The following TBC1D26 variants were observed in gnomAD, a reference collection of about 807,000 sequenced individuals.
TBC1D26 encodes TBC1 domain family, member 26.
TBC1D26 carries 19 observed loss-of-function variants against 42.5 expected under a neutral mutation model. The observed-to-expected ratio is 0.45, with a 90% CI of 0.31 to 0.66. The LOEUF (loss-of-function observed/expected upper bound fraction) is 0.66. TBC1D26 is among the 30% of genes least tolerant of loss of function. The pLI is 0.06. For missense variants in TBC1D26, 228 were observed against 332.6 expected (o/e 0.69, Z 2.45); for synonymous variants, 97 against 123.5 (o/e 0.79, Z 1.42).
intron 11 of TBC1D26, 45 bp downstream of exon 11, chr17:15,742,081 C>T (rs1290573799): frequency 7.1e-6 from 11 of 1,552,860 alleles, no homozygotes; most frequent in South Asian, 1.1e-5. Flanking sequence ...GCCCTGGCCC[C>T]CATAGGCCAG....
chr17:15,742,093 G>A, intron 11 of TBC1D26, 57 bp downstream of exon 11: 1 of 1,479,926 alleles, frequency 6.8e-7, no homozygotes, highest in Non-Finnish European at 9.3e-7. Flanking sequence ...ATAGGCCAGG[G>A]GAGGCTCAAG....
At chr17:15,733,708 C>T (rs1330157878) in intron 1 of TBC1D26, 1 of 152,284 alleles carries the variant, frequency 6.6e-6, no homozygotes, top group Admixed American at 6.5e-5. Context: ...CATTTTGACA[C>T]CTTAGGGGCT....
intron 1 of TBC1D26, among the ~76,000 whole-genome samples, chr17:15,733,362 G>A (rs1003642150): frequency 6.6e-6 from 1 of 152,130 alleles, no homozygotes; most frequent in Non-Finnish European, 1.5e-5. Flanking sequence ...ACTGGGAGGA[G>A]GAGGTGAAAA....
chr17:15,733,964 G>A (rs2529990), intron 1 of TBC1D26: 1 of 152,228 alleles, frequency 6.6e-6, no homozygotes, highest in South Asian at 2.1e-4. Context: ...CAGATGCCGA[G>A]GAGGGTCACC....
rs1170245467 is a variant in TBC1D26 at position 15,741,219 on chromosome 17, C to T, written c.644C>T (p.Ala215Val). 2 of 1,613,596 alleles carry T rather than the reference C, an allele frequency of 1.2e-6. No homozygotes were observed. The highest frequency in any genetic ancestry group is 1.7e-6 in the Non-Finnish European group (2 of 1,179,946). The change falls in exon 10 of 15, where the codon GCT (alanine) becomes GTT (valine). Residue 215 changes from alanine (A) to valine (V), a missense_variant and splice_region_variant. Coordinates refer to ENST00000437605, the MANE Select transcript of TBC1D26 (RefSeq NM_001388465.1). ...DAFWALTQLL[A>V]VFYSPNTAWL... ...TTCTGGGCGCTTACCCAGTTGCTCG[C>T]TGGTGAGAGGCACTCCCTGTGGGTA...
In TBC1D26 at chr17:15,741,952, C is replaced by A. The variant is rs529472345; in HGVS notation, c.657C>A (p.Ser219Arg). 1.9e-6 allele frequency: 3 copies of A among 1,614,052 alleles called. No homozygotes were observed. In the East Asian group the frequency reaches 6.7e-5, roughly 36 times the overall value. ...TCGCGGGCTTCTCAGTATTCTACAG[C>A]CCAAATACTGCCTGGCTCGAGAGGC... ...ALTQLLAVFYSPNTAWLERLL... is the reference protein window; with the variant it reads ...ALTQLLAVFYRPNTAWLERLL... Residue 219 changes from serine to arginine, a missense_variant, in exon 11 of 15, where the codon AGC becomes AGA. By Grantham distance (110) the Ser-to-Arg change is moderately radical (BLOSUM62 -1). Transcript: ENST00000437605.
Position 15,738,293 on chromosome 17 carries a change from T to C in TBC1D26, c.293T>C (p.Val98Ala), listed in dbSNP as rs1409687070. 1 of 1,613,586 alleles carries C rather than the reference T, an allele frequency of 6.2e-7. No individual in the cohort carries two copies. The highest frequency in any genetic ancestry group is 1.1e-5 in the South Asian group (1 of 91,060). Residue 98 changes from valine (V) to alanine (A), a missense_variant, in exon 7 of 15, where the codon GTA becomes GCA. Physicochemically the swap from Val to Ala is moderately conservative, Grantham distance 64. Coordinates refer to ENST00000437605, the MANE Select transcript of TBC1D26 (RefSeq NM_001388465.1). ...YRSTKKLSQRVYKVIPLAVRG... is the reference protein window; with the variant it reads ...YRSTKKLSQRAYKVIPLAVRG... ...TTCTGTCTGTAGCTGTCTCAAAGAG[T>C]ATACAAAGTCATTCCCCTGGCGGTA...
At chr17:15,741,265 G>T (rs758560693) in intron 10 of TBC1D26, 44 bp downstream of exon 10, 11 of 1,611,158 alleles carry the variant, frequency 6.8e-6, no homozygotes, top group Non-Finnish European at 9.3e-6. Flanking sequence ...TGCCCCCGGG[G>T]CCTTACACAG....
At position 15,736,802 on chromosome 17, in the gene TBC1D26, G is replaced by A. The variant is rs575724232; in HGVS notation, c.159-682G>A. On this transcript the variant is annotated intron_variant, in intron 4 of 14. Transcript: ENST00000437605. ...GGCAGCCCAGTCAGAGAGTGGCCAAGGCGTGGGTGTGGACGGATCTGGGAG... is the reference window on the plus strand; with the variant it reads ...GGCAGCCCAGTCAGAGAGTGGCCAAAGCGTGGGTGTGGACGGATCTGGGAG... Among the ~76,000 whole-genome samples, 264 of 152,370 alleles carry A rather than the reference G, an allele frequency of 1.7e-3. No individual in the cohort carries two copies. The East Asian group carries it at 0.035, about 20-fold the overall frequency.
At chr17:15,736,946 G>A (rs541732709) in intron 4 of TBC1D26, among the ~76,000 whole-genome samples, 1 of 152,322 alleles carries the variant, frequency 6.6e-6, no homozygotes, top group Non-Finnish European at 1.5e-5. Flanking sequence ...CAGGGTGAGC[G>A]GCCAGGATGC....
At position 15,740,106 on chromosome 17, in the gene TBC1D26, G is replaced by A. The variant is rs377614655; in HGVS notation, c.504G>A (p.Gln168=). The A allele has an allele frequency of 6.2e-7, 1 of 1,612,338 alleles. No homozygotes were observed. The highest frequency in any genetic ancestry group is 8.5e-7 in the Non-Finnish European group (1 of 1,179,144). Residue 168 remains glutamine (Q), a synonymous_variant, in exon 9 of 15, where the codon CAG becomes CAA. Transcript: ENST00000437605. ...MFIQRFGVKQ[Q]ELCDILVAYS... is the part of the protein sequence containing the mutation. ...TCTTTCCCCTCTTTTCTAGGCAGCA[G>A]GAATTATGTGACATCCTCGTGGCCT...
rs1156644341 is a variant in TBC1D26, at chr17:15,743,387, T to G, written c.928T>G (p.Trp310Gly). ...CCTAGAGCACCTCATGAAGCTTTCC[T>G]GGAGCACTGTCTGGGAGTTTCAGGA... ...IHRKHLMKLSWSTVWEFQERL... is the reference protein window; with the variant it reads ...IHRKHLMKLSGSTVWEFQERL... The change falls in exon 14 of 15, where the codon TGG becomes GGG. Residue 310 changes from tryptophan to glycine, a missense_variant. This residue lies in a region of TBC1D26 where 130 missense variants were observed against 168.5 expected (regional missense o/e 0.77). Transcript: ENST00000437605. 13 of 986,532 alleles carry G rather than the reference T, an allele frequency of 1.3e-5. No individual in the cohort carries two copies. The highest frequency in any genetic ancestry group is 1.3e-5 in the Non-Finnish European group (11 of 830,384). The allele number at this position is 986,532 out of a possible 1,614,324, so 61.1% of individuals were successfully genotyped here.
At chr17:15,732,611 C>A (rs573692949) in intron 1 of TBC1D26, among the ~76,000 whole-genome samples, 1 of 151,522 alleles carries the variant, frequency 6.6e-6, no homozygotes, top group East Asian at 2.0e-4. Flanking sequence ...GGCCAAGAGA[C>A]CCAGATGTGA....
chr17:15,744,073 C>G (rs772874178), intron 14 of TBC1D26, among the ~76,000 whole-genome samples, 170 bp from the exon 15 acceptor site: 1 of 151,966 alleles, frequency 6.6e-6, no homozygotes, highest in African/African-American at 2.4e-5. Flanking sequence ...GCAGGAGACT[C>G]CTGACCCACT....
At chr17:15,740,527 C>T in intron 9 of TBC1D26, 8 of 1,201,524 alleles carry the variant, frequency 6.7e-6, no homozygotes, top group Non-Finnish European at 7.3e-6. Context: ...CACTGGAAAC[C>T]TGGCAAGGAT....
chr17:15,738,357 A>G lies in TBC1D26; in HGVS notation c.357A>G (p.Arg119=), dbSNP rs367866192. 22 of 1,613,604 alleles carry G rather than the reference A, an allele frequency of 1.4e-5. No homozygotes were observed. The African/African-American group carries it at 2.8e-4, about 21-fold the overall frequency. Reference sequence around the variant, plus strand: ...GGTCACTTTTGCTAGATATTGACAGAATCAAGTCCCAGAACCCAGGCAAAT... The same window carrying G: ...GGTCACTTTTGCTAGATATTGACAGGATCAAGTCCCAGAACCCAGGCAAAT... ...RAWSLLLDID[R]IKSQNPGKYK... is the part of the protein sequence containing the mutation. The change falls in exon 7 of 15, where the codon AGA becomes AGG. Residue 119 remains arginine (R), a synonymous_variant. Coordinates refer to ENST00000437605, the MANE Select transcript of TBC1D26 (RefSeq NM_001388465.1).
chr17:15,732,739 C>T (rs2529997), intron 1 of TBC1D26, among the ~76,000 whole-genome samples: 6 of 152,164 alleles, frequency 3.9e-5, no homozygotes, highest in African/African-American at 1.2e-4. Flanking sequence ...CTGAAAGAGC[C>T]ACTGGGATGG....
chr17:15,741,504 C>T, intron 10 of TBC1D26: 1 of 516,676 alleles, frequency 1.9e-6, no homozygotes, highest in Non-Finnish European at 3.5e-6. Context: ...CCAGCCCCAA[C>T]TTTGTGCAGG....
intron 4 of TBC1D26, chr17:15,736,562 G>C (rs1967619112): frequency 6.6e-6 from 1 of 151,772 alleles, no homozygotes; most frequent in Non-Finnish European, 1.5e-5. Context: ...GCGCAGGGTG[G>C]ATGGAGGGGC....
Sources: gnomAD v4.1 joint callset for allele counts (sites outside exome capture counted in the v4.1 genomes callset) on GRCh38, gnomAD v4.1.1 for gene constraint, gnomAD v4.1.1 regional missense constraint, MANE v1.5 for transcripts, NCBI Gene and HGNC (gene_info 2026-07-23, HGNC 2026-07-21) for gene names.